Variants in TSHZ3 observed in about 807,000 individuals in gnomAD.
TSHZ3 encodes teashirt homolog 3.
Under a neutral mutation model 64.5 loss-of-function variants are expected in TSHZ3, and 10 were observed. The ratio of observed to expected loss-of-function variants is 0.16; its 90% CI spans 0.10 to 0.26. The LOEUF is 0.26. TSHZ3 is among the 10% of genes least tolerant of loss of function. TSHZ3 has a pLI of 1.00. For synonymous variants in TSHZ3, 608 were observed against 593.1 expected (o/e 1.03, Z -0.36); for missense variants, 1,242 against 1,421.7 (o/e 0.87, Z 2.03).
rs144558651 is a variant in TSHZ3, at chr19:31,267,850, T to A, written n.64-24975A>T. Among the ~76,000 whole-genome samples the A allele has an allele frequency of 4.5e-3, 691 of 152,256 alleles. 10 individuals are homozygous for A. The highest frequency in any genetic ancestry group is 0.016 in the African/African-American group (668 of 41,536). On this transcript the variant is annotated intron_variant and non_coding_transcript_variant, in intron 1 of 6. Transcript: ENST00000651361. ...TTGAAAACATTTGAGAAAGCTGAGATGAGAAGCTGGAGAGAGCAGAGTGAA... is the reference window on the plus strand; with the variant it reads ...TTGAAAACATTTGAGAAAGCTGAGAAGAGAAGCTGGAGAGAGCAGAGTGAA...
chr19:31,157,997 C>G (rs1430916283), intron 5 of TSHZ3, among the ~76,000 whole-genome samples: 2 of 152,166 alleles, frequency 1.3e-5, no homozygotes, highest in Non-Finnish European at 2.9e-5. Context: ...CAACTCTGAC[C>G]TGAGGGCTAA....
At chr19:31,187,258 A>T (rs1974826462) in intron 5 of TSHZ3, among the ~76,000 whole-genome samples, 1 of 152,184 alleles carries the variant, frequency 6.6e-6, no homozygotes, top group South Asian at 2.1e-4. Flanking sequence ...ATATAAATGG[A>T]ATCACACCAT....
intron 3 of TSHZ3, among the ~76,000 whole-genome samples, chr19:31,239,608 CAG>C (rs1302304248): frequency 6.6e-6 from 1 of 151,772 alleles, no homozygotes; most frequent in African/African-American, 2.4e-5. Flanking sequence ...TTTTTGGAGA[CAG>C]AGTACTGTTC....
rs559661561 is a variant in TSHZ3 at position 31,260,497 on chromosome 19, GCATGC to G, written n.64-17627_64-17623del. Reference sequence around the variant, plus strand: ...CTGATCTCTGGGCTCTGTCCTCCTGGCATGCACTGAGGAACTCTGGCTGACAGGCT... The same window carrying G: ...CTGATCTCTGGGCTCTGTCCTCCTGGACTGAGGAACTCTGGCTGACAGGCT... On this transcript the variant is annotated intron_variant and non_coding_transcript_variant, in intron 1 of 6. Transcript: ENST00000651361. Among the ~76,000 whole-genome samples, 47 of 152,308 alleles carry G rather than the reference GCATGC, an allele frequency of 3.1e-4. No homozygotes were observed. In the South Asian group the frequency reaches 3.1e-3, roughly 10 times the overall value.
intron 1 of TSHZ3, among the ~76,000 whole-genome samples, chr19:31,255,937 A>G (rs766715996): frequency 7.2e-5 from 11 of 152,126 alleles, no homozygotes; most frequent in Non-Finnish European, 1.5e-4. Context: ...ACCCTGTAAC[A>G]GAAGTTGAGA....
intron 3 of TSHZ3, among the ~76,000 whole-genome samples, chr19:31,235,103 T>TTTA (rs1975588126): frequency 6.6e-6 from 1 of 152,248 alleles, no homozygotes; most frequent in South Asian, 2.1e-4. Context: ...TACAATGTGA[T>TTTA]GTTTTGAGCT....
intron 1 of TSHZ3, among the ~76,000 whole-genome samples, chr19:31,342,241 G>T (rs554108383): frequency 2.7e-4 from 41 of 152,298 alleles, no homozygotes; most frequent in Non-Finnish European, 5.6e-4. Flanking sequence ...GGTAACTATT[G>T]TTGGGGTGTA....
At position 31,181,792 on chromosome 19, in the gene TSHZ3, C is replaced by T. The variant is rs534423685; in HGVS notation, n.809+23164G>A. Among the ~76,000 whole-genome samples, 6 of 152,224 alleles carry T rather than the reference C, an allele frequency of 3.9e-5. No individual in the cohort carries two copies. The South Asian group carries it at 1.0e-3, about 26-fold the overall frequency. On this transcript the variant is annotated intron_variant and non_coding_transcript_variant, in intron 5 of 6. Coordinates refer to the TSHZ3 transcript ENST00000651361. ...TTTTTGTTGTTGCTGGACATTTTTT[C>T]TTTTTGCAATATTTTCAGCCAATTT...
chr19:31,269,012 C>T (rs1976096432), intron 1 of TSHZ3, among the ~76,000 whole-genome samples: 1 of 152,092 alleles, frequency 6.6e-6, no homozygotes, highest in African/African-American at 2.4e-5. Flanking sequence ...ACCTCAGCTG[C>T]ACGGAGCAGC....
chr19:31,155,210 A>G (rs1974291221), intron 6 of TSHZ3, among the ~76,000 whole-genome samples: 1 of 152,184 alleles, frequency 6.6e-6, no homozygotes, highest in Admixed American at 6.5e-5. Flanking sequence ...ACGTGATCCC[A>G]TGCTCTCCCT....
At chr19:31,316,632 G>C (rs1024876148) in intron 1 of TSHZ3, among the ~76,000 whole-genome samples, 1 of 152,178 alleles carries the variant, frequency 6.6e-6, no homozygotes, top group African/African-American at 2.4e-5. Context: ...TTCTGGAACA[G>C]AGAGGAAATA....
At chr19:31,350,365 C>T (rs1301849412), upstream of TSHZ3, among the ~76,000 whole-genome samples, 3 of 151,840 alleles carry the variant, frequency 2.0e-5, no homozygotes, top group Admixed American at 1.3e-4. Flanking sequence ...GAGGGGGTTC[C>T]TTCAAGTTTC....
Position 31,277,391 on chromosome 19 carries a change from C to A in TSHZ3, c.2402G>T (p.Cys801Phe). Residue 801 changes from cysteine to phenylalanine, a missense_variant, in exon 2 of 2, where the codon TGC becomes TTC. By Grantham distance (205) the Cys-to-Phe change is radical. Transcript: ENST00000240587. This position sits in a 1 kb window ranked among gnomAD's most constrained non-coding sequence, Gnocchi z 4.5. ...TGACAGAAGCACTGAACCCAAGGAGCAGCCTTTGTCACTCTTCCCTTTTGT... is the reference window on the plus strand; with the variant it reads ...TGACAGAAGCACTGAACCCAAGGAGAAGCCTTTGTCACTCTTCCCTTTTGT... ...DLTKGKSDKG[C>F]SLGSVLLSPT... The A allele has an allele frequency of 1.2e-6, 2 of 1,614,192 alleles. No homozygotes were observed. Among genetic ancestry groups the A allele is most frequent in the South Asian group, 2.2e-5 (2 of 91,078 alleles).
intron 1 of TSHZ3, among the ~76,000 whole-genome samples, chr19:31,302,127 A>C (rs1293089226): frequency 6.6e-6 from 1 of 152,200 alleles, no homozygotes; most frequent in Admixed American, 6.5e-5. Context: ...GGCAAAAGAG[A>C]GAGCCATGGT....
chr19:31,240,499 T>C (rs774835316), intron 3 of TSHZ3, among the ~76,000 whole-genome samples: 8 of 152,220 alleles, frequency 5.3e-5, no homozygotes, highest in Non-Finnish European at 1.0e-4. Flanking sequence ...TCTGTTGTTA[T>C]ATCATTCATC....
chr19:31,293,689 T>C (rs17496703), intron 1 of TSHZ3, among the ~76,000 whole-genome samples: 9,928 of 152,292 alleles, frequency 0.065, 421 homozygotes, highest in Non-Finnish European at 0.1. Flanking sequence ...ATCAGCATCA[T>C]TGTATATCTC....
At chr19:31,348,397 G>A (rs900384333) in intron 1 of TSHZ3, among the ~76,000 whole-genome samples, 5 of 147,994 alleles carry the variant, frequency 3.4e-5, no homozygotes, top group Non-Finnish European at 7.4e-5. Context: ...TCAATGATGC[G>A]TTTTCCAGAA....
chr19:31,315,296 G>A (rs1033689586), intron 1 of TSHZ3, among the ~76,000 whole-genome samples: 1 of 152,034 alleles, frequency 6.6e-6, no homozygotes, highest in African/African-American at 2.4e-5. Flanking sequence ...TGACAGTATT[G>A]ACCTCTTATA....
In TSHZ3 at chr19:31,234,996, G is replaced by T. The variant is rs1373269680; in HGVS notation, n.551-6856C>A. 4.6e-5 allele frequency among the ~76,000 whole-genome samples: 7 copies of T among 152,232 alleles called. No individual in the cohort carries two copies. In the South Asian group the frequency reaches 6.2e-4, roughly 14 times the overall value. On this transcript the variant is annotated intron_variant and non_coding_transcript_variant, in intron 3 of 6. Coordinates refer to the TSHZ3 transcript ENST00000651361. Reference sequence around the variant, plus strand: ...AACTCATCACAACACCGAATTTCTTGTATGGGAAGTTTTTTTATGATAAAT... The same window carrying T: ...AACTCATCACAACACCGAATTTCTTTTATGGGAAGTTTTTTTATGATAAAT...
Sources: allele counts gnomAD v4.1 joint callset (sites outside exome capture counted in the v4.1 genomes callset), GRCh38; gene constraint gnomAD v4.1.1; non-coding constraint Gnocchi (gnomAD v3.1); transcripts MANE v1.5; gene names NCBI Gene and HGNC (gene_info 2026-07-23, HGNC 2026-07-21).